The following COL5A2 variants were observed in gnomAD, a reference collection of about 807,000 sequenced individuals.
COL5A2 encodes the protein collagen alpha-2(V) chain.
In COL5A2, 23 loss-of-function variants were observed where a neutral mutation model predicts 208.2. The ratio of observed to expected loss-of-function variants is 0.11; its 90% CI spans 0.08 to 0.16. The LOEUF is 0.16. Ranked by LOEUF, COL5A2 falls within the 10% of genes least tolerant of loss-of-function variation. COL5A2 has a pLI of 1.00. For missense variants in COL5A2, 1,590 were observed against 1,956.4 expected (o/e 0.81, Z 3.53); for synonymous variants, 625 against 628.5 (o/e 0.99, Z 0.08).
At chr2:189,256,176 T>G in the COL5A2 span, among the ~76,000 whole-genome samples, 3 of 152,170 alleles carry the variant, frequency 2.0e-5, no homozygotes, top group South Asian at 6.2e-4. Context: ...TTCATTTTCG[T>G]AGGCAAAAAG....
At chr2:189,049,844 T>C (rs751859517) in intron 43 of COL5A2, among the ~76,000 whole-genome samples, 15 of 152,222 alleles carry the variant, frequency 9.9e-5, no homozygotes, top group Non-Finnish European at 2.2e-4. Context: ...GAGATTTTAC[T>C]TTCACATTCT....
intron 3 of COL5A2, among the ~76,000 whole-genome samples, chr2:189,102,969 A>G (rs1687075728): frequency 6.6e-6 from 1 of 152,026 alleles, no homozygotes; most frequent in African/African-American, 2.4e-5. Flanking sequence ...CTCCCACACT[A>G]CTTTTGGAGA....
chr2:189,167,682 T>TTTC (rs1553523157), intron 1 of COL5A2, among the ~76,000 whole-genome samples: 2 of 151,304 alleles, frequency 1.3e-5, no homozygotes, highest in East Asian at 1.9e-4. Flanking sequence ...TTTTTTTTTT[T>TTTC]AGTCCTGGGA....
At chr2:189,411,615 G>T in the COL5A2 span, among the ~76,000 whole-genome samples, 3 of 151,766 alleles carry the variant, frequency 2.0e-5, no homozygotes, top group Non-Finnish European at 2.9e-5. Context: ...TTAATATTTG[G>T]AACTATAGCA....
rs1685414674 is a variant in COL5A2 at position 189,034,988 on chromosome 2, C to G, written c.4281G>C (p.Gly1427=). ...CTGCTTTGATATCTAAGTCATTTGC[C>G]CCTTTGAGAACCACAGCTTTTTTGA... is the stretch of plus-strand genomic sequence containing the variant. The part of the protein sequence containing the change: ...KNLKKAVVLK[G]ANDLDIKAEG... The change falls in exon 53 of 54, where the codon GGG becomes GGC. Residue 1427 remains glycine, a synonymous_variant. Coordinates refer to ENST00000374866, the MANE Select transcript of COL5A2 (RefSeq NM_000393.5). 1 of 1,613,802 alleles carries G rather than the reference C, an allele frequency of 6.2e-7. No homozygotes were observed. The highest frequency in any genetic ancestry group is 1.3e-5 in the African/African-American group (1 of 74,986).
chr2:189,376,039 G>A, the COL5A2 span, among the ~76,000 whole-genome samples: 1 of 152,174 alleles, frequency 6.6e-6, no homozygotes, highest in Non-Finnish European at 1.5e-5. Context: ...TTTCCACAAT[G>A]TGTGTAAGCA....
intron 1 of COL5A2, among the ~76,000 whole-genome samples, chr2:189,192,266 G>A (rs1688940694): frequency 6.6e-6 from 1 of 152,008 alleles, no homozygotes; most frequent in Non-Finnish European, 1.5e-5. Flanking sequence ...TATAATCAAA[G>A]TAATTTTAAG....
chr2:189,422,085 C>T, the COL5A2 span, among the ~76,000 whole-genome samples: 2 of 152,150 alleles, frequency 1.3e-5, no homozygotes, highest in Non-Finnish European at 2.9e-5. Flanking sequence ...GTACCTACTT[C>T]TTCACATGTG....
chr2:189,408,953 T>C, the COL5A2 span, among the ~76,000 whole-genome samples: 1 of 152,156 alleles, frequency 6.6e-6, no homozygotes, highest in Non-Finnish European at 1.5e-5. Context: ...TGATTACAAG[T>C]ATAATTTTTG....
At position 189,057,396 on chromosome 2, in the gene COL5A2, T is replaced by A. The variant is rs755334879; in HGVS notation, c.2261A>T (p.Asp754Val). 1.9e-6 allele frequency: 3 copies of A among 1,613,226 alleles called. No individual in the cohort carries two copies. The highest frequency in any genetic ancestry group is 2.2e-5 in the South Asian group (2 of 91,028). ...ACCTTGAAGACCTGGTGGGCCTGTA[T>A]CTCCAGGGGTCCCAGATGGACCTGG... ...GSPGPSGTPG[D>V]TGPPGLQGMP... The change falls in exon 34 of 54, where the codon GAT (aspartate) becomes GTT (valine). Residue 754 changes from aspartate to valine, a missense_variant. Asp to Val is a radical substitution (Grantham distance 152). Coordinates refer to ENST00000374866, the MANE Select transcript of COL5A2 (RefSeq NM_000393.5).
intron 50 of COL5A2, among the ~76,000 whole-genome samples, chr2:189,041,268 C>T (rs145505247): frequency 4.5e-4 from 68 of 152,304 alleles, no homozygotes; most frequent in African/African-American, 1.5e-3. Context: ...CTATACCTCA[C>T]AGACATTTAA....
chr2:189,227,978 A>G (rs922281248), upstream of COL5A2, among the ~76,000 whole-genome samples: 1 of 152,006 alleles, frequency 6.6e-6, no homozygotes, highest in Non-Finnish European at 1.5e-5. Flanking sequence ...TCATATAGGT[A>G]TCTCTTCTGA....
At chr2:189,044,336 A>C (rs1173887833) in intron 47 of COL5A2, among the ~76,000 whole-genome samples, 1 of 152,178 alleles carries the variant, frequency 6.6e-6, no homozygotes, top group Admixed American at 6.5e-5. Flanking sequence ...TAACAATATA[A>C]ATTTAAATAC....
the COL5A2 span, among the ~76,000 whole-genome samples, chr2:189,275,457 C>CTTTTTTTTTTTT: frequency 1.4e-5 from 2 of 140,090 alleles, 1 homozygote. Flanking sequence ...TCTTTCTTTC[C>CTTTTTTTTTTTT]TTTTTTTTTT....
Position 189,060,743 on chromosome 2 carries a change from T to G in COL5A2, c.2072A>C (p.Lys691Thr), listed in dbSNP as rs142224646. The G allele has an allele frequency of 1.9e-6, 3 of 1,613,366 alleles. No homozygotes were observed. The African/African-American group carries it at 4.0e-5, about 22-fold the overall frequency. Residue 691 changes from lysine to threonine, a missense_variant, in exon 31 of 54, where the codon AAA becomes ACA. Lys to Thr is a moderately conservative substitution (Grantham distance 78). Coordinates refer to ENST00000374866, the MANE Select transcript of COL5A2 (RefSeq NM_000393.5). ...GPPGPPGEGGKPGDQGVPGDP... is the reference protein window; with the variant it reads ...GPPGPPGEGGTPGDQGVPGDP... ...TTAAACACTTACTTGATCACCTGGT[T>G]TTCCACCTTCTCCAGGAGGCCCTGG...
the COL5A2 span, among the ~76,000 whole-genome samples, chr2:189,431,426 C>CA: frequency 6.6e-6 from 1 of 151,822 alleles, no homozygotes; most frequent in Non-Finnish European, 1.5e-5. Flanking sequence ...TAACCCATCA[C>CA]AAAAAAAGCT....
Position 189,088,759 on chromosome 2 carries a change from T to G in COL5A2, c.581A>C (p.Gln194Pro), listed in dbSNP as rs1261600695. The stretch of plus-strand genomic sequence containing the variant: ...AGATTTTTCATCCAACCCAGCCATT[T>G]GAGCTGAAAACGGCTGTAAAAGCGA... ...PDGLSRPFSA[Q>P]MAGLDEKSGL... Residue 194 changes from glutamine (Q) to proline (P), a missense_variant, in exon 8 of 54, where the codon CAA becomes CCA. Coordinates refer to ENST00000374866, the MANE Select transcript of COL5A2 (RefSeq NM_000393.5). 1 of 1,614,036 alleles carries G rather than the reference T, an allele frequency of 6.2e-7. No homozygotes were observed. Among genetic ancestry groups the G allele is most frequent in the Admixed American group, 1.7e-5 (1 of 60,016 alleles).
At chr2:189,091,288 G>T (rs1373902170) in intron 7 of COL5A2, among the ~76,000 whole-genome samples, 1 of 152,154 alleles carries the variant, frequency 6.6e-6, no homozygotes, top group Non-Finnish European at 1.5e-5. Context: ...ATGAGGACTT[G>T]CTTCTTATGA....
intron 1 of COL5A2, among the ~76,000 whole-genome samples, chr2:189,156,242 G>T (rs140110361): frequency 7.0e-4 from 106 of 152,234 alleles, no homozygotes; most frequent in African/African-American, 2.5e-3. Context: ...ACACCCTGCA[G>T]TAGAATTCAA....
Sources: allele counts gnomAD v4.1 joint callset (sites outside exome capture counted in the v4.1 genomes callset), GRCh38; gene constraint gnomAD v4.1.1; transcripts MANE v1.5; gene names NCBI Gene and HGNC (gene_info 2026-07-23, HGNC 2026-07-21).